NCAM2: variants seen among roughly 807,000 people sequenced by gnomAD.
NCAM2 encodes the protein N-CAM-2.
In NCAM2, 30 loss-of-function variants were observed where a neutral mutation model predicts 98.1. The observed-to-expected ratio is 0.31, with a 90% CI of 0.23 to 0.41. The LOEUF is 0.41. Among genes scored for constraint, NCAM2 ranks in the 10% least tolerant of loss-of-function variants. NCAM2 has a pLI of 1.00. For synonymous variants in NCAM2, 368 were observed against 342.4 expected (o/e 1.07, Z -0.83); for missense variants, 867 against 1,005.8 (o/e 0.86, Z 1.87).
chr21:21,080,713 C>T (rs1053751399), intron 1 of NCAM2, among the ~76,000 whole-genome samples: 1 of 137,714 alleles, frequency 7.3e-6, no homozygotes, highest in Non-Finnish European at 1.6e-5. Context: ...ACATTTATTA[C>T]TCTCTAAATT....
chr21:21,283,165 T>C (rs2072986823), intron 2 of NCAM2, among the ~76,000 whole-genome samples: 1 of 151,948 alleles, frequency 6.6e-6, no homozygotes. Flanking sequence ...TTCACTAAAC[T>C]TTCTTTCATA....
chr21:21,506,545 G>T (rs1443030961), intron 15 of NCAM2, among the ~76,000 whole-genome samples: 1 of 152,010 alleles, frequency 6.6e-6, no homozygotes, highest in East Asian at 1.9e-4. Flanking sequence ...ATATACCTTT[G>T]AAAAACTGAT....
At chr21:21,466,032 A>G (rs560598615) in intron 12 of NCAM2, among the ~76,000 whole-genome samples, 1 of 152,096 alleles carries the variant, frequency 6.6e-6, no homozygotes, top group East Asian at 1.9e-4. Flanking sequence ...GTAAATGAGA[A>G]GAAACTCAGA....
chr21:21,299,965 A>G (rs2073649090), intron 5 of NCAM2, among the ~76,000 whole-genome samples: 1 of 152,038 alleles, frequency 6.6e-6, no homozygotes, highest in South Asian at 2.1e-4. Context: ...TAGATTAGTT[A>G]TAATACTTAA....
At position 21,011,450 on chromosome 21, in the gene NCAM2, C is replaced by T. The variant is rs78035084; in HGVS notation, c.55+12832C>T. Reference sequence around the variant, plus strand: ...ATTTTTTTCTGGCCAATTCTCCCCCCGCCTCCCACCCAGCTGTATAATACA... The same window carrying T: ...ATTTTTTTCTGGCCAATTCTCCCCCTGCCTCCCACCCAGCTGTATAATACA... On this transcript the variant is annotated intron_variant, in intron 1 of 17. Transcript: ENST00000400546. Among the ~76,000 whole-genome samples, 931 of 152,078 alleles carry T rather than the reference C, an allele frequency of 6.1e-3. 7 individuals are homozygous for T. The highest frequency in any genetic ancestry group is 0.021 in the African/African-American group (878 of 41,508).
Position 21,539,687 on chromosome 21 carries a change from G to A in NCAM2, c.*1730G>A, listed in dbSNP as rs906736655. On this transcript the variant is annotated 3_prime_UTR_variant, in exon 18 of 18. Coordinates refer to ENST00000400546, the MANE Select transcript of NCAM2 (RefSeq NM_004540.5). ...GCAGTGTCTTTGCCATAAGTTGCAG[G>A]GTTAAATGCGGGAATCTCTCCTTGC... The A allele has an allele frequency of 6.6e-6, 1 of 152,100 alleles. No individual in the cohort carries two copies. The highest frequency in any genetic ancestry group is 2.4e-5 in the African/African-American group (1 of 41,416). The allele number at this position is 152,100 out of a possible 1,614,324, so 9.4% of individuals were successfully genotyped here. A position where few individuals can be genotyped will look rare whatever the true frequency, so the allele number is the denominator to read the frequency against.
At chr21:21,458,222 G>T (rs879539143) in intron 12 of NCAM2, among the ~76,000 whole-genome samples, 1 of 152,202 alleles carries the variant, frequency 6.6e-6, no homozygotes, top group Admixed American at 6.5e-5. Flanking sequence ...CCTGGTCTCG[G>T]GTAGGACATG....
At chr21:21,020,945 T>G (rs1484344955) in intron 1 of NCAM2, among the ~76,000 whole-genome samples, 1 of 152,094 alleles carries the variant, frequency 6.6e-6, no homozygotes, top group Admixed American at 6.5e-5. Flanking sequence ...AGTCCGTTTA[T>G]CCCTCAAATC....
rs147594514 is a variant in NCAM2 at position 21,540,685 on chromosome 21, A to C, written c.*2728A>C. The C allele has an allele frequency of 1.3e-5, 2 of 152,132 alleles. No individual in the cohort carries two copies. Among genetic ancestry groups the C allele is most frequent in the Non-Finnish European group, 2.9e-5 (2 of 67,926 alleles). The allele number at this position is 152,132 out of a possible 1,614,324, so 9.4% of individuals were successfully genotyped here. A position where few individuals can be genotyped will look rare whatever the true frequency, so the allele number is the denominator to read the frequency against. On this transcript the variant is annotated 3_prime_UTR_variant, in exon 18 of 18. Transcript: ENST00000400546. ...TCTTAAATATTAGTATAAAGTGTCA[A>C]AAGAATTGACTGAATATAAGTACTG...
At chr21:21,371,974 A>G (rs1476762728) in intron 8 of NCAM2, among the ~76,000 whole-genome samples, 1 of 151,780 alleles carries the variant, frequency 6.6e-6, no homozygotes, top group Non-Finnish European at 1.5e-5. Context: ...TAATGACTCT[A>G]AAAGTGTTCC....
intron 1 of NCAM2, among the ~76,000 whole-genome samples, chr21:21,145,926 C>T (rs2156370): frequency 0.42 from 63,137 of 151,744 alleles, 13,453 homozygotes; most frequent in African/African-American, 0.51. Flanking sequence ...TTAATTTGCC[C>T]GAAGGAAGAA....
chr21:21,305,121 C>T (rs2073839955), intron 5 of NCAM2, among the ~76,000 whole-genome samples: 1 of 152,038 alleles, frequency 6.6e-6, no homozygotes, highest in Non-Finnish European at 1.5e-5. Flanking sequence ...AGTTCAAGAC[C>T]AGCCTGGTCA....
At chr21:21,286,453 C>T in intron 4 of NCAM2, 41 bp downstream of exon 4, 1 of 1,550,636 alleles carries the variant, frequency 6.4e-7, no homozygotes, top group Non-Finnish European at 8.7e-7. Flanking sequence ...TGTTCTAATA[C>T]TATTGCAGTT....
At chr21:21,350,738 T>C (rs1394658786) in intron 8 of NCAM2, among the ~76,000 whole-genome samples, 1 of 152,084 alleles carries the variant, frequency 6.6e-6, no homozygotes, top group Non-Finnish European at 1.5e-5. Context: ...TTTTTAAAAC[T>C]GTTCAGATCA....
At chr21:21,232,251 A>G (rs1231890754) in intron 1 of NCAM2, among the ~76,000 whole-genome samples, 1 of 151,632 alleles carries the variant, frequency 6.6e-6, no homozygotes. Flanking sequence ...CTCAAATTAT[A>G]TGAAGAAAAT....
At chr21:21,341,973 GGA>G in intron 8 of NCAM2, among the ~76,000 whole-genome samples, 1 of 152,184 alleles carries the variant, frequency 6.6e-6, no homozygotes, top group East Asian at 1.9e-4. Context: ...AAGAAAAAAA[GGA>G]GTGGTTAGGA....
intron 1 of NCAM2, among the ~76,000 whole-genome samples, chr21:21,230,734 C>T (rs1294120109): frequency 2.0e-5 from 3 of 151,228 alleles, no homozygotes. Context: ...ATGTTAGGAC[C>T]AGAAAATGGG....
intron 1 of NCAM2, among the ~76,000 whole-genome samples, chr21:21,189,724 G>C (rs1176235574): frequency 2.0e-5 from 3 of 152,158 alleles, no homozygotes; most frequent in Non-Finnish European, 2.9e-5. Context: ...ATCATAAAGT[G>C]ATGAATTTGT....
chr21:21,315,917 T>C lies in NCAM2; in HGVS notation c.620-8466T>C, dbSNP rs184864246. On this transcript the variant is annotated intron_variant, in intron 5 of 17. Transcript: ENST00000400546. ...GACACTGCAAGATGTCTCGAATTAA[T>C]CCAGAACTGGAATTCTGTGATTACT... Among the ~76,000 whole-genome samples, 285 of 152,332 alleles carry C rather than the reference T, an allele frequency of 1.9e-3. 5 individuals are homozygous for C. The highest frequency in any genetic ancestry group is 5.8e-4 in the East Asian group (3 of 5,184).
Sources: gnomAD v4.1 joint callset for allele counts (sites outside exome capture counted in the v4.1 genomes callset) on GRCh38, gnomAD v4.1.1 for gene constraint, MANE v1.5 for transcripts, NCBI Gene and HGNC (gene_info 2026-07-23, HGNC 2026-07-21) for gene names.